The following C4orf51 variants were observed in gnomAD, a reference collection of about 807,000 sequenced individuals.
The protein encoded by C4orf51 is uncharacterized protein C4orf51.
A neutral mutation model predicts 25.2 loss-of-function variants in C4orf51; 25 were observed. That is an observed-to-expected ratio of 0.99 (90% CI 0.72 to 1.39). The LOEUF (loss-of-function observed/expected upper bound fraction) is 1.39. Ranked by LOEUF, C4orf51 falls within the 40% of genes most tolerant of loss-of-function variation. The pLI, the probability that C4orf51 is intolerant of heterozygous loss-of-function variation, is 0.00. For missense variants in C4orf51, 252 were observed against 239.6 expected (o/e 1.05, Z -0.34); for synonymous variants, 100 against 84.5 (o/e 1.18, Z -1.01).
At chr4:145,760,285 A>T (rs1298392678) in intron 1 of C4orf51, 3 of 152,314 alleles carry the variant, frequency 2.0e-5, no homozygotes, top group Non-Finnish European at 4.4e-5. Context: ...AGAAGCCAGT[A>T]CAAAGAATGT....
chr4:145,775,537 G>T (rs1002854411), downstream of C4orf51, among the ~76,000 whole-genome samples: 6 of 152,050 alleles, frequency 3.9e-5, no homozygotes, highest in East Asian at 9.7e-4. Flanking sequence ...GCCCGTCTCT[G>T]TCTGGAGCTC....
chr4:145,680,346 A>AC lies in C4orf51; in HGVS notation c.144dup (p.Thr49HisfsTer20). On this transcript the variant is annotated frameshift_variant, in exon 1 of 6. Transcript: ENST00000438731. LOFTEE classifies it high-confidence loss of function. The stretch of plus-strand genomic sequence containing the variant: ...TGGTCAGATTCTTCCGTGACAACAT[A>AC]CACAGGCAGTTACCGGAAAAAACAA... 1.2e-6 allele frequency: 2 copies of AC among 1,613,984 alleles called. No homozygotes were observed. The highest frequency in any genetic ancestry group is 1.7e-6 in the Non-Finnish European group (2 of 1,179,856).
intron 1 of C4orf51, among the ~76,000 whole-genome samples, chr4:145,750,412 GTTTTTTTTT>G (rs55700691): frequency 9.2e-6 from 1 of 108,138 alleles, no homozygotes; most frequent in Non-Finnish European, 1.9e-5. Context: ...TAGGGTAAAA[GTTTTTTTTT>G]TTTTTTTTTT....
At chr4:145,738,449 C>T (rs1038735830) in intron 1 of C4orf51, among the ~76,000 whole-genome samples, 2 of 90,102 alleles carry the variant, frequency 2.2e-5, no homozygotes, top group South Asian at 5.8e-4. Flanking sequence ...GACTCTATCT[C>T]GAAAAAAAAC....
intron 2 of C4orf51, among the ~76,000 whole-genome samples, chr4:145,724,661 T>C (rs1243122384): frequency 6.6e-6 from 1 of 152,066 alleles, no homozygotes; most frequent in Non-Finnish European, 1.5e-5. Flanking sequence ...GTAGGAGGAC[T>C]GCTTGAGCTC....
At chr4:145,757,228 T>A (rs1734014076), downstream of C4orf51, among the ~76,000 whole-genome samples, 1 of 152,232 alleles carries the variant, frequency 6.6e-6, no homozygotes, top group South Asian at 2.1e-4. Flanking sequence ...CATTAAAATC[T>A]CATAGTTGCC....
chr4:145,765,125 C>G lies in C4orf51; in HGVS notation n.167-5863C>G. On this transcript the variant is annotated intron_variant and non_coding_transcript_variant, in intron 1 of 1. Coordinates refer to the C4orf51 transcript ENST00000510096. This position sits in a 1 kb window ranked among gnomAD's most constrained non-coding sequence, Gnocchi z 4.7. The stretch of plus-strand genomic sequence containing the variant: ...TCTGCAGATGACGCTCAAACATGTT[C>G]TTCGTCTTGCAGACAAAGTTGCAAA... 2.5e-6 allele frequency: 4 copies of G among 1,613,736 alleles called. No homozygotes were observed. The highest frequency in any genetic ancestry group is 3.4e-6 in the Non-Finnish European group (4 of 1,179,830).
At chr4:145,753,314 C>A (rs558199756) in intron 1 of C4orf51, among the ~76,000 whole-genome samples, 2 of 151,742 alleles carry the variant, frequency 1.3e-5, no homozygotes, top group South Asian at 4.2e-4. Flanking sequence ...TGATGACCTT[C>A]CTTCTGGGTG....
chr4:145,688,388 T>C (rs1328600026), intron 1 of C4orf51, among the ~76,000 whole-genome samples: 1 of 152,166 alleles, frequency 6.6e-6, no homozygotes, highest in Non-Finnish European at 1.5e-5. Flanking sequence ...TGGTTTGGCT[T>C]TGTGTCCCAC....
At chr4:145,775,732 A>G, downstream of C4orf51, 1 of 1,598,578 alleles carries the variant, frequency 6.3e-7, no homozygotes, top group Non-Finnish European at 8.6e-7. Context: ...ACAGGTAGGA[A>G]GTGTTGAAGT....
At chr4:145,700,304 G>A (rs1310127039) in intron 2 of C4orf51, among the ~76,000 whole-genome samples, 1 of 151,166 alleles carries the variant, frequency 6.6e-6, no homozygotes, top group Non-Finnish European at 1.5e-5. Context: ...CTGCTTTTCT[G>A]GAGGGTAAGA....
chr4:145,714,385 T>C (rs953388519), intron 2 of C4orf51, among the ~76,000 whole-genome samples: 3 of 152,224 alleles, frequency 2.0e-5, no homozygotes, highest in African/African-American at 4.8e-5. Flanking sequence ...CATTGATTAA[T>C]AGCATGAATC....
At chr4:145,786,665 C>T in the C4orf51 span, among the ~76,000 whole-genome samples, 1 of 152,160 alleles carries the variant, frequency 6.6e-6, no homozygotes, top group Admixed American at 6.5e-5. Flanking sequence ...CTGGCTCTGT[C>T]CTTTGGTTTC....
rs1388580801 is a variant in C4orf51 at position 145,762,577 on chromosome 4, C to T, written n.167-8411C>T. On this transcript the variant is annotated intron_variant and non_coding_transcript_variant, in intron 1 of 1. Coordinates refer to the C4orf51 transcript ENST00000510096. The surrounding 1 kb of genome is among the most constrained non-coding windows in gnomAD (Gnocchi z 4.9). ...GCAATTTAGGTAGATTCTGGAAGGG[C>T]GGATGCTGGTCCCAGCTCCATCACC... 6.6e-6 allele frequency among the ~76,000 whole-genome samples: 1 copy of T among 152,048 alleles called. No individual in the cohort carries two copies. Among genetic ancestry groups the T allele is most frequent in the African/African-American group, 2.4e-5 (1 of 41,400 alleles).
chr4:145,724,963 G>A (rs947467329), intron 2 of C4orf51, among the ~76,000 whole-genome samples: 5 of 150,736 alleles, frequency 3.3e-5, no homozygotes, highest in African/African-American at 9.7e-5. Flanking sequence ...GTTCTCACTC[G>A]TAAGTGGGAG....
At chr4:145,785,400 G>A in the C4orf51 span, among the ~76,000 whole-genome samples, 1 of 152,160 alleles carries the variant, frequency 6.6e-6, no homozygotes, top group African/African-American at 2.4e-5. Context: ...TAGAATTTAG[G>A]AAGGAGTTCT....
At position 145,762,550 on chromosome 4, in the gene C4orf51, A is replaced by G. The variant is rs1047555479; in HGVS notation, n.167-8438A>G. ...GGTTCATTATTTGAGTGGTCTCTAC[A>G]GGCAATTTAGGTAGATTCTGGAAGG... On this transcript the variant is annotated intron_variant and non_coding_transcript_variant, in intron 1 of 1. Transcript: ENST00000510096. The surrounding 1 kb of genome is among the most constrained non-coding windows in gnomAD (Gnocchi z 4.9). Among the ~76,000 whole-genome samples, 1 of 152,142 alleles carries G rather than the reference A, an allele frequency of 6.6e-6. No individual in the cohort carries two copies. Among genetic ancestry groups the G allele is most frequent in the Non-Finnish European group, 1.5e-5 (1 of 68,014 alleles).
chr4:145,788,557 G>T, the C4orf51 span, among the ~76,000 whole-genome samples: 1 of 152,140 alleles, frequency 6.6e-6, no homozygotes, highest in South Asian at 2.1e-4. Flanking sequence ...CAAGATTAGT[G>T]GGATCCTCTA....
At chr4:145,716,116 G>A (rs868187948) in intron 2 of C4orf51, among the ~76,000 whole-genome samples, 4 of 152,108 alleles carry the variant, frequency 2.6e-5, no homozygotes, top group Admixed American at 6.5e-5. Flanking sequence ...TATCAAAATT[G>A]TCTATTAATT....
Sources: gnomAD v4.1 joint callset for allele counts (sites outside exome capture counted in the v4.1 genomes callset) on GRCh38, gnomAD v4.1.1 for gene constraint, Gnocchi (gnomAD v3.1) non-coding constraint, MANE v1.5 for transcripts, NCBI Gene and HGNC (gene_info 2026-07-23, HGNC 2026-07-21) for gene names.